CLSTN2: variants seen among roughly 807,000 people sequenced by gnomAD.
CLSTN2 encodes calsyntenin 2.
Under a neutral mutation model 101.2 loss-of-function variants are expected in CLSTN2, and 48 were observed. The ratio of observed to expected loss-of-function variants is 0.47; its 90% CI spans 0.38 to 0.60. The LOEUF (loss-of-function observed/expected upper bound fraction) is 0.60, where lower values mean the gene tolerates loss of function less well. Ranked by LOEUF, CLSTN2 falls within the 20% of genes least tolerant of loss-of-function variation. The probability of loss-of-function intolerance (pLI) is 0.00; values close to 1 mark genes in which losing one functional copy is unlikely to be tolerated. For missense variants in CLSTN2, 1,160 were observed against 1,238.2 expected, an observed-to-expected ratio of 0.94 and a Z score of 0.95; for synonymous variants, 481 against 463.6, an observed-to-expected ratio of 1.04 and a Z score of -0.48.
Position 140,310,824 on chromosome 3 carries a change from T to C in CLSTN2, c.233-92805T>C, listed in dbSNP as rs181891000. Among the ~76,000 whole-genome samples the C allele has an allele frequency of 9.1e-4, 139 of 152,390 alleles. 1 individual carries two copies. The highest frequency in any genetic ancestry group is 3.2e-3 in the African/African-American group (134 of 41,598). ...CAAGCACTAAATATTGTCTATTATC[T>C]GCTGTCTTATATATTAATTTAAAAA... is the stretch of plus-strand genomic sequence containing the variant. On this transcript the variant is annotated intron_variant, in intron 2 of 16. Transcript: ENST00000458420.
At chr3:140,544,176 T>C (rs116002382) in intron 9 of CLSTN2, among the ~76,000 whole-genome samples, 4,363 of 152,358 alleles carry the variant, frequency 0.029, 220 homozygotes, top group African/African-American at 0.098. Flanking sequence ...AATTGCAAGA[T>C]GCCCAGTGTT....
intron 1 of CLSTN2, among the ~76,000 whole-genome samples, chr3:139,943,452 C>A (rs539864331): frequency 1.3e-5 from 2 of 152,162 alleles, no homozygotes; most frequent in African/African-American, 4.8e-5. Context: ...TCACCCTCCA[C>A]GCTAAGGTCT....
At chr3:140,406,572 ATAG>A (rs1385143885) in intron 4 of CLSTN2, among the ~76,000 whole-genome samples, 3 of 152,218 alleles carry the variant, frequency 2.0e-5, no homozygotes, top group African/African-American at 7.2e-5. Flanking sequence ...TCGTTCCCCG[ATAG>A]TTTCTCCCAC....
intron 1 of CLSTN2, among the ~76,000 whole-genome samples, chr3:140,035,219 G>T (rs4467410): frequency 0.64 from 97,053 of 152,130 alleles, 31,657 homozygotes; most frequent in South Asian, 0.81. Flanking sequence ...TGGACTCTCA[G>T]CTGTAGGAAT....
chr3:139,986,911 G>C (rs1228878299), intron 1 of CLSTN2, among the ~76,000 whole-genome samples: 1 of 152,116 alleles, frequency 6.6e-6, no homozygotes, highest in Non-Finnish European at 1.5e-5. Context: ...AACAGCGTTG[G>C]TATGAAGGCT....
intron 2 of CLSTN2, among the ~76,000 whole-genome samples, chr3:140,351,214 AAG>A (rs2087602231): frequency 6.6e-6 from 1 of 152,194 alleles, no homozygotes; most frequent in Admixed American, 6.5e-5. Context: ...GAGAGAAAGA[AAG>A]AGAGGGTTTA....
chr3:140,378,453 A>G (rs2087943664), intron 2 of CLSTN2, among the ~76,000 whole-genome samples: 1 of 152,258 alleles, frequency 6.6e-6, no homozygotes, highest in Non-Finnish European at 1.5e-5. Flanking sequence ...TCCTAAATGA[A>G]TAGAATTTTT....
At chr3:140,374,903 T>C (rs79857817) in intron 2 of CLSTN2, among the ~76,000 whole-genome samples, 7 of 152,338 alleles carry the variant, frequency 4.6e-5, no homozygotes, top group Non-Finnish European at 8.8e-5. Flanking sequence ...CAGACAACTT[T>C]ATCACTCCAA....
At chr3:140,076,638 T>G (rs1345587615) in intron 1 of CLSTN2, among the ~76,000 whole-genome samples, 3 of 142,232 alleles carry the variant, frequency 2.1e-5, no homozygotes, top group Non-Finnish European at 3.0e-5. Context: ...TTTTTTTTTT[T>G]TTTTTTTTTT....
At chr3:140,550,066 G>C (rs1332498663) in intron 10 of CLSTN2, among the ~76,000 whole-genome samples, 2 of 151,248 alleles carry the variant, frequency 1.3e-5, no homozygotes, top group African/African-American at 4.9e-5. Context: ...TCATGTGGAA[G>C]AGTGGGAAAG....
intron 8 of CLSTN2, among the ~76,000 whole-genome samples, chr3:140,509,650 T>A (rs1172946021): frequency 6.6e-6 from 1 of 151,948 alleles, no homozygotes; most frequent in Non-Finnish European, 1.5e-5. Context: ...TAATAGTGAA[T>A]GGGGGGGCCT....
At chr3:140,100,591 G>A (rs1429338789) in intron 1 of CLSTN2, among the ~76,000 whole-genome samples, 1 of 152,194 alleles carries the variant, frequency 6.6e-6, no homozygotes, top group African/African-American at 2.4e-5. Flanking sequence ...TCACTAGAAG[G>A]CTTTACTTTC....
At chr3:140,117,003 G>GC (rs772940095) in intron 1 of CLSTN2, among the ~76,000 whole-genome samples, 14 of 152,124 alleles carry the variant, frequency 9.2e-5, no homozygotes, top group Non-Finnish European at 1.8e-4. Context: ...ATATTCTGGA[G>GC]CCCCCCTTTC....
intron 9 of CLSTN2, among the ~76,000 whole-genome samples, chr3:140,541,228 G>C (rs552092905): frequency 2.6e-5 from 4 of 152,222 alleles, no homozygotes; most frequent in Non-Finnish European, 5.9e-5. Flanking sequence ...CTTTGGTCAA[G>C]TTACCTAACT....
At chr3:140,037,730 T>C (rs2007682202) in intron 1 of CLSTN2, among the ~76,000 whole-genome samples, 2 of 152,132 alleles carry the variant, frequency 1.3e-5, no homozygotes, top group Non-Finnish European at 2.9e-5. Flanking sequence ...TCAATGTGTG[T>C]TGTTCCCCCC....
chr3:140,216,618 C>T (rs756122431), intron 2 of CLSTN2, among the ~76,000 whole-genome samples: 7 of 152,120 alleles, frequency 4.6e-5, no homozygotes, highest in Non-Finnish European at 1.0e-4. Flanking sequence ...GGTGTTGAGA[C>T]CCTGTGATTT....
chr3:140,352,792 T>A (rs1249088746), intron 2 of CLSTN2, among the ~76,000 whole-genome samples: 2 of 152,154 alleles, frequency 1.3e-5, no homozygotes, highest in Non-Finnish European at 2.9e-5. Flanking sequence ...AGCAGGGAAA[T>A]TCATCTCTTT....
intron 1 of CLSTN2, among the ~76,000 whole-genome samples, chr3:140,069,993 C>G (rs1031557636): frequency 1.3e-5 from 2 of 152,202 alleles, no homozygotes; most frequent in Non-Finnish European, 2.9e-5. Context: ...CTTTAGCCTT[C>G]AGGTAGCACT....
At chr3:140,450,632 G>C (rs888826645) in intron 6 of CLSTN2, among the ~76,000 whole-genome samples, 4 of 152,128 alleles carry the variant, frequency 2.6e-5, no homozygotes, top group Non-Finnish European at 4.4e-5. Flanking sequence ...TGAATGCACA[G>C]TCTAGCCTGC....
Sources: gnomAD v4.1 joint callset for allele counts (sites outside exome capture counted in the v4.1 genomes callset) on GRCh38, gnomAD v4.1.1 for gene constraint, MANE v1.5 for transcripts, NCBI Gene and HGNC (gene_info 2026-07-23, HGNC 2026-07-21) for gene names.